The following RBMS3 variants were observed in gnomAD, a reference collection of about 807,000 sequenced individuals.
RBMS3 encodes RNA-binding motif, single-stranded-interacting protein 3.
RBMS3 carries 27 observed loss-of-function variants against 66.8 expected under a neutral mutation model. The observed-to-expected ratio is 0.40, with a 90% CI of 0.30 to 0.56. RBMS3 has a LOEUF of 0.56. Among genes scored for constraint, RBMS3 ranks in the 20% least tolerant of loss-of-function variants. The pLI is 0.40. For synonymous variants in RBMS3, 188 were observed against 183.0 expected (o/e 1.03, Z -0.22); for missense variants, 513 against 549.5 (o/e 0.93, Z 0.66).
chr3:29,830,074 C>T (rs923398452), intron 6 of RBMS3, among the ~76,000 whole-genome samples: 5 of 151,680 alleles, frequency 3.3e-5, no homozygotes, highest in Non-Finnish European at 7.4e-5. Flanking sequence ...CATTCTGTTT[C>T]TTTGGGCTAC....
chr3:29,365,263 A>G (rs1436250064), intron 1 of RBMS3, among the ~76,000 whole-genome samples: 1 of 152,098 alleles, frequency 6.6e-6, no homozygotes, highest in Non-Finnish European at 1.5e-5. Flanking sequence ...AAGCAATAAC[A>G]TAAATTTAAC....
rs188858130 is a variant in RBMS3 at position 29,448,567 on chromosome 3, T to A, written c.248+13652T>A. On this transcript the variant is annotated intron_variant, in intron 2 of 14. Coordinates refer to ENST00000383767, the MANE Select transcript of RBMS3 (RefSeq NM_001003793.3). Reference sequence around the variant, plus strand: ...TAATGCATTTGTATTCACTCCATGTTTGAATTGCAGCGAAAAGGACAATTA... The same window carrying A: ...TAATGCATTTGTATTCACTCCATGTATGAATTGCAGCGAAAAGGACAATTA... Among the ~76,000 whole-genome samples, 5 of 152,362 alleles carry A rather than the reference T, an allele frequency of 3.3e-5. No individual in the cohort carries two copies. In the East Asian group the frequency reaches 9.7e-4, roughly 29 times the overall value.
At chr3:29,961,629 G>A (rs1320667181) in intron 12 of RBMS3, among the ~76,000 whole-genome samples, 1 of 152,072 alleles carries the variant, frequency 6.6e-6, no homozygotes, top group Non-Finnish European at 1.5e-5. Flanking sequence ...AATCATGGTG[G>A]AAGGTGAAGG....
intron 3 of RBMS3, among the ~76,000 whole-genome samples, chr3:29,546,108 TTGTGTGTGTGTG>T (rs71091070): frequency 0.014 from 1,975 of 145,928 alleles, 38 homozygotes; most frequent in African/African-American, 0.037. Flanking sequence ...TGAGACGGGT[TTGTGTGTGTGTG>T]TGTGTGTGTG....
At chr3:29,350,384 T>A (rs980935464) in intron 1 of RBMS3, among the ~76,000 whole-genome samples, 1 of 152,184 alleles carries the variant, frequency 6.6e-6, no homozygotes, top group Non-Finnish European at 1.5e-5. Context: ...TATGTAAAAT[T>A]TGTCTAGACA....
At chr3:29,794,950 T>C (rs2057133478) in intron 6 of RBMS3, among the ~76,000 whole-genome samples, 1 of 152,234 alleles carries the variant, frequency 6.6e-6, no homozygotes. Flanking sequence ...CATAACTCTA[T>C]GCTTCCCATT....
intron 6 of RBMS3, among the ~76,000 whole-genome samples, chr3:29,817,970 C>T (rs2057962311): frequency 1.3e-5 from 2 of 152,182 alleles, no homozygotes; most frequent in South Asian, 4.1e-4. Context: ...ATATGCTATA[C>T]TCTATGTTAG....
At chr3:29,438,970 C>A (rs1013318053) in intron 2 of RBMS3, among the ~76,000 whole-genome samples, 3 of 152,112 alleles carry the variant, frequency 2.0e-5, no homozygotes, top group Non-Finnish European at 2.9e-5. Flanking sequence ...GCAAAGGTAT[C>A]TCTGAGGAAG....
At chr3:29,687,161 G>T (rs537512002) in intron 4 of RBMS3, among the ~76,000 whole-genome samples, 2 of 152,142 alleles carry the variant, frequency 1.3e-5, no homozygotes, top group South Asian at 4.1e-4. Flanking sequence ...ATACTTTTAT[G>T]CAAAATATTC....
chr3:29,671,892 A>T (rs1312802793), intron 4 of RBMS3, among the ~76,000 whole-genome samples: 2 of 152,228 alleles, frequency 1.3e-5, no homozygotes, highest in African/African-American at 2.4e-5. Flanking sequence ...TCCCCAACCT[A>T]GCAAGGCAGG....
intron 3 of RBMS3, among the ~76,000 whole-genome samples, chr3:29,580,521 A>C (rs2047286594): frequency 1.3e-5 from 2 of 152,192 alleles, no homozygotes; most frequent in Non-Finnish European, 2.9e-5. Flanking sequence ...AACTGTGTCT[A>C]TATGCCATTT....
chr3:29,956,670 A>G (rs1221268224), intron 12 of RBMS3, among the ~76,000 whole-genome samples: 1 of 152,144 alleles, frequency 6.6e-6, no homozygotes, highest in Non-Finnish European at 1.5e-5. Context: ...CTCTTCCAGA[A>G]AGTTACTCTA....
intron 1 of RBMS3, among the ~76,000 whole-genome samples, chr3:29,354,347 G>A (rs1022204322): frequency 6.6e-6 from 1 of 151,878 alleles, no homozygotes; most frequent in African/African-American, 2.4e-5. Context: ...ATAGACTTTT[G>A]TTCATTTATG....
At chr3:29,830,091 A>G (rs2058330509) in intron 6 of RBMS3, among the ~76,000 whole-genome samples, 1 of 151,910 alleles carries the variant, frequency 6.6e-6, no homozygotes, top group South Asian at 2.1e-4. Flanking sequence ...CTACATTTCT[A>G]TATACTTATC....
At chr3:29,847,779 C>T (rs965755663) in intron 6 of RBMS3, among the ~76,000 whole-genome samples, 8 of 152,104 alleles carry the variant, frequency 5.3e-5, no homozygotes, top group African/African-American at 1.9e-4. Flanking sequence ...CCTCAGCCTC[C>T]CAAGTAGCTG....
At chr3:29,911,902 A>T (rs1577126093) in intron 10 of RBMS3, among the ~76,000 whole-genome samples, 1 of 152,200 alleles carries the variant, frequency 6.6e-6, no homozygotes, top group East Asian at 1.9e-4. Context: ...TTTCAGAGAT[A>T]ATTTATTAAT....
intron 3 of RBMS3, among the ~76,000 whole-genome samples, chr3:29,496,598 T>C (rs1048093889): frequency 7.9e-5 from 12 of 152,306 alleles, no homozygotes; most frequent in East Asian, 3.9e-4. Flanking sequence ...TGGTAAATGG[T>C]CTTTATTTGT....
intron 2 of RBMS3, among the ~76,000 whole-genome samples, chr3:29,483,850 T>C (rs2043228121): frequency 1.3e-5 from 2 of 152,246 alleles, no homozygotes; most frequent in African/African-American, 4.8e-5. Context: ...AATCTTATTT[T>C]GTGTTCTTTG....
At chr3:29,864,499 G>C (rs570748073) in intron 6 of RBMS3, among the ~76,000 whole-genome samples, 1 of 152,124 alleles carries the variant, frequency 6.6e-6, no homozygotes, top group African/African-American at 2.4e-5. Flanking sequence ...TGTTGTTGTT[G>C]TTGTTGAAGA....
Sources: gnomAD v4.1 joint callset for allele counts (sites outside exome capture counted in the v4.1 genomes callset) on GRCh38, gnomAD v4.1.1 for gene constraint, MANE v1.5 for transcripts, NCBI Gene and HGNC (gene_info 2026-07-23, HGNC 2026-07-21) for gene names.